GNAZ: variants seen among roughly 807,000 people sequenced by gnomAD.
The protein encoded by GNAZ is guanine nucleotide-binding protein G(z) subunit alpha.
GNAZ carries 3 observed loss-of-function variants against 25.4 expected under a neutral mutation model. The observed-to-expected ratio is 0.12, with a 90% CI of 0.05 to 0.30. The LOEUF (loss-of-function observed/expected upper bound fraction) is 0.30. Ranked by LOEUF, GNAZ falls within the 10% of genes least tolerant of loss-of-function variation. The probability of loss-of-function intolerance (pLI) is 1.00; values close to 1 mark genes in which losing one functional copy is unlikely to be tolerated. For missense variants in GNAZ, 241 were observed against 501.8 expected (o/e 0.48, Z 4.97); for synonymous variants, 211 against 205.7 (o/e 1.03, Z -0.22).
intron 1 of GNAZ, chr22:23,070,849 G>A (rs1601739407): frequency 6.6e-6 from 1 of 152,144 alleles, no homozygotes; most frequent in Non-Finnish European, 1.5e-5. Flanking sequence ...TGAGGACCCG[G>A]GAGGGTGGAC....
chr22:23,120,907 A>G (rs2070006161), intron 2 of GNAZ, among the ~76,000 whole-genome samples: 1 of 152,224 alleles, frequency 6.6e-6, no homozygotes, highest in Non-Finnish European at 1.5e-5. Flanking sequence ...TCTGTTATTT[A>G]ACTGATGCAA....
rs201564698 is a variant in GNAZ at position 23,123,494 on chromosome 22, T to C, written c.*63T>C. ...CCACGGGGTGTCATGCCCCAACGCG[T>C]GCTAGAGAGGCCCAATCCAGGGGCA... On this transcript the variant is annotated 3_prime_UTR_variant, in exon 3 of 3. Transcript: ENST00000615612. 460 of 1,096,884 alleles carry C rather than the reference T, an allele frequency of 4.2e-4. 5 individuals carry two copies. The East Asian group carries it at 0.012, about 27-fold the overall frequency. 67.9% of individuals were successfully genotyped at this position (1,096,884 alleles called of 1,614,324 possible). A position where few individuals can be genotyped will look rare whatever the true frequency, so the allele number is the denominator to read the frequency against.
intron 1 of GNAZ, among the ~76,000 whole-genome samples, chr22:23,080,988 G>A (rs943363505): frequency 2.0e-5 from 3 of 152,204 alleles, no homozygotes; most frequent in African/African-American, 7.2e-5. Flanking sequence ...CTTTGAGTCC[G>A]TTGTGATTGT....
rs561272251 is a variant in GNAZ, at chr22:23,083,283, C to T, written c.-449-11964C>T. Among the ~76,000 whole-genome samples, 19 of 152,088 alleles carry T rather than the reference C, an allele frequency of 1.2e-4. No individual in the cohort carries two copies. The East Asian group carries it at 2.5e-3, about 20-fold the overall frequency. On this transcript the variant is annotated intron_variant, in intron 1 of 2. Coordinates refer to ENST00000615612, the MANE Select transcript of GNAZ (RefSeq NM_002073.4). ...AGGGTAGACCCAGGCAGAGGGGTCC[C>T]AGGGGAATCCAGTAGAGCTGGCCCA... is the stretch of plus-strand genomic sequence containing the variant.
intron 2 of GNAZ, among the ~76,000 whole-genome samples, chr22:23,099,706 C>T (rs1283676391): frequency 3.3e-5 from 5 of 152,230 alleles, no homozygotes; most frequent in African/African-American, 1.2e-4. Context: ...CTCTGCCCCT[C>T]GTCTTTAGTA....
chr22:23,098,608 G>T (rs566196743), intron 2 of GNAZ, among the ~76,000 whole-genome samples: 1 of 152,256 alleles, frequency 6.6e-6, no homozygotes, highest in African/African-American at 2.4e-5. Context: ...CCTGGTTTCT[G>T]CAGGCCTGGG....
At position 23,123,578 on chromosome 22, in the gene GNAZ, C is replaced by T. The variant is rs958206560; in HGVS notation, c.*147C>T. On this transcript the variant is annotated 3_prime_UTR_variant, in exon 3 of 3. Transcript: ENST00000615612. Reference sequence around the variant, plus strand: ...CTTGGCCTCTGCCTCCTTGGCCCCACATTTCTGCAAACATAAATATTTACG... The same window carrying T: ...CTTGGCCTCTGCCTCCTTGGCCCCATATTTCTGCAAACATAAATATTTACG... 9.9e-6 allele frequency: 6 copies of T among 606,998 alleles called. No homozygotes were observed. The Admixed American group carries it at 1.8e-4, about 18-fold the overall frequency. The allele number at this position is 606,998 out of a possible 1,614,324, so 37.6% of individuals were successfully genotyped here.
At position 23,106,869 on chromosome 22, in the gene GNAZ, G is replaced by C. The variant is rs566694205; in HGVS notation, c.723+10451G>C. Among the ~76,000 whole-genome samples the C allele has an allele frequency of 5.3e-4, 80 of 152,348 alleles. 1 individual carries two copies. Among genetic ancestry groups the C allele is most frequent in the African/African-American group, 1.9e-3 (78 of 41,590 alleles). ...CTGGACATCCCGCTGCTGCCCAGGGGAATGGGCAGGGCTGGGAAGCAGCCA... is the reference window on the plus strand; with the variant it reads ...CTGGACATCCCGCTGCTGCCCAGGGCAATGGGCAGGGCTGGGAAGCAGCCA... On this transcript the variant is annotated intron_variant, in intron 2 of 2. Transcript: ENST00000615612.
intron 1 of GNAZ, among the ~76,000 whole-genome samples, chr22:23,086,513 G>C (rs2068824614): frequency 6.6e-6 from 1 of 152,232 alleles, no homozygotes; most frequent in Non-Finnish European, 1.5e-5. Context: ...TCTCCTCCCA[G>C]TGGCCTCAGC....
At chr22:23,086,575 G>A (rs1412938569) in intron 1 of GNAZ, among the ~76,000 whole-genome samples, 2 of 152,180 alleles carry the variant, frequency 1.3e-5, no homozygotes, top group African/African-American at 4.8e-5. Context: ...GCCACAGCTG[G>A]GACCCAGAGT....
chr22:23,100,762 C>A (rs1056297477), intron 2 of GNAZ, among the ~76,000 whole-genome samples: 1 of 152,214 alleles, frequency 6.6e-6, no homozygotes, highest in African/African-American at 2.4e-5. Flanking sequence ...AGAGCTGGAG[C>A]TCCAGAGCCC....
At chr22:23,122,146 C>T (rs771017449) in intron 2 of GNAZ, among the ~76,000 whole-genome samples, 5 of 152,200 alleles carry the variant, frequency 3.3e-5, no homozygotes, top group African/African-American at 4.8e-5. Flanking sequence ...GCAGCAAATT[C>T]CAGGTAGTTA....
At chr22:23,075,120 T>C (rs2068477407) in intron 1 of GNAZ, among the ~76,000 whole-genome samples, 1 of 152,144 alleles carries the variant, frequency 6.6e-6, no homozygotes, top group Non-Finnish European at 1.5e-5. Context: ...AAGGATAATA[T>C]TGGGGATGTA....
intron 2 of GNAZ, among the ~76,000 whole-genome samples, chr22:23,102,693 C>T (rs192890584): frequency 4.6e-5 from 7 of 152,372 alleles, no homozygotes; most frequent in African/African-American, 1.7e-4. Context: ...TTCAGTGCAT[C>T]AGCCACCCCT....
chr22:23,091,936 C>T (rs1311663878), intron 1 of GNAZ, among the ~76,000 whole-genome samples: 3 of 152,114 alleles, frequency 2.0e-5, no homozygotes, highest in Non-Finnish European at 4.4e-5. Context: ...TTGTCCCTTT[C>T]ATCCCTAACA....
intron 1 of GNAZ, among the ~76,000 whole-genome samples, chr22:23,084,337 A>G (rs2068759301): frequency 6.6e-6 from 1 of 152,206 alleles, no homozygotes; most frequent in Non-Finnish European, 1.5e-5. Flanking sequence ...TAAATTCCAC[A>G]AGATACGGGT....
chr22:23,110,844 G>A (rs2069625526), intron 2 of GNAZ, among the ~76,000 whole-genome samples: 1 of 152,156 alleles, frequency 6.6e-6, no homozygotes, highest in African/African-American at 2.4e-5. Context: ...AAGGACCCAA[G>A]GGCCCACCAC....
intron 1 of GNAZ, among the ~76,000 whole-genome samples, chr22:23,087,191 C>G (rs945296528): frequency 2.0e-5 from 3 of 152,162 alleles, no homozygotes; most frequent in Admixed American, 6.5e-5. Flanking sequence ...ATAGAATGAG[C>G]ATGGTGGCTC....
chr22:23,072,029 C>T (rs138212163), intron 1 of GNAZ, among the ~76,000 whole-genome samples: 5 of 152,168 alleles, frequency 3.3e-5, no homozygotes, highest in South Asian at 2.1e-4. Context: ...TCTGTAAAAG[C>T]GAAGCAGTTC....
Sources: gnomAD v4.1 joint callset for allele counts (sites outside exome capture counted in the v4.1 genomes callset) on GRCh38, gnomAD v4.1.1 for gene constraint, MANE v1.5 for transcripts, NCBI Gene and HGNC (gene_info 2026-07-23, HGNC 2026-07-21) for gene names.